The following TBC1D1 variants were observed in gnomAD, a reference collection of about 807,000 sequenced individuals.
TBC1D1 encodes the protein TBC1 domain family member 1, also known as TBC1 (tre-2/USP6, BUB2, cdc16) domain family, member 1.
Under a neutral mutation model 125.6 loss-of-function variants are expected in TBC1D1, and 89 were observed. The observed-to-expected ratio is 0.71, with a 90% CI of 0.60 to 0.85. The LOEUF (loss-of-function observed/expected upper bound fraction) is 0.85. Ranked by LOEUF, TBC1D1 falls within the 40% of genes least tolerant of loss-of-function variation. The pLI, the probability that TBC1D1 is intolerant of heterozygous loss-of-function variation, is 0.00. For missense variants in TBC1D1, 1,377 were observed against 1,469.2 expected (o/e 0.94, Z 1.03); for synonymous variants, 565 against 564.1 (o/e 1.00, Z -0.02).
intron 11 of TBC1D1, among the ~76,000 whole-genome samples, chr4:38,051,697 A>G (rs1007509586): frequency 3.1e-4 from 47 of 152,182 alleles, no homozygotes; most frequent in Admixed American, 5.2e-4. Context: ...GGCCGTCAAT[A>G]TACTCTGTTT....
At chr4:37,953,685 TA>T (rs1206415778) in intron 2 of TBC1D1, among the ~76,000 whole-genome samples, 12 of 152,216 alleles carry the variant, frequency 7.9e-5, no homozygotes. Context: ...TGGTAAATTC[TA>T]CAGAACCTTA....
At chr4:38,091,222 A>G (rs1447218993) in intron 13 of TBC1D1, among the ~76,000 whole-genome samples, 1 of 152,206 alleles carries the variant, frequency 6.6e-6, no homozygotes, top group Non-Finnish European at 1.5e-5. Flanking sequence ...AAGGAATAAG[A>G]CCTTTCGACA....
chr4:37,961,850 C>T (rs1578060957), intron 2 of TBC1D1, among the ~76,000 whole-genome samples: 1 of 152,298 alleles, frequency 6.6e-6, no homozygotes. Context: ...AGGATGCTGT[C>T]AGAACTGACC....
chr4:38,065,928 G>C (rs1432791292), intron 12 of TBC1D1, among the ~76,000 whole-genome samples: 3 of 152,204 alleles, frequency 2.0e-5, no homozygotes, highest in Non-Finnish European at 4.4e-5. Flanking sequence ...GGGATTATAG[G>C]CGTGGGTCAC....
intron 12 of TBC1D1, among the ~76,000 whole-genome samples, chr4:38,062,988 A>G (rs1307917171): frequency 2.0e-5 from 3 of 152,150 alleles, no homozygotes; most frequent in African/African-American, 7.2e-5. Flanking sequence ...ACGATGCTAC[A>G]GCACCTGACA....
At chr4:37,965,343 G>A (rs553616522) in intron 2 of TBC1D1, among the ~76,000 whole-genome samples, 5 of 152,274 alleles carry the variant, frequency 3.3e-5, no homozygotes, top group African/African-American at 1.2e-4. Context: ...AGGTTTGCTG[G>A]TTTTAGCAGT....
chr4:38,104,903 C>T (rs1019624754), intron 15 of TBC1D1, among the ~76,000 whole-genome samples: 2 of 151,954 alleles, frequency 1.3e-5, no homozygotes, highest in Non-Finnish European at 2.9e-5. Flanking sequence ...CTACAGGTGC[C>T]CGCCACCATG....
chr4:38,062,484 TC>T (rs1326941342), intron 12 of TBC1D1, among the ~76,000 whole-genome samples: 2 of 152,306 alleles, frequency 1.3e-5, no homozygotes, highest in East Asian at 3.9e-4. Flanking sequence ...TAATTTACTT[TC>T]TGTATAACTT....
At chr4:37,961,091 T>C (rs1188369641) in intron 2 of TBC1D1, 1 of 1,550,860 alleles carries the variant, frequency 6.4e-7, no homozygotes, top group Non-Finnish European at 8.9e-7. Flanking sequence ...TAATAAAGCA[T>C]TATTTGTTTA....
chr4:38,013,004 A>G (rs751813091), intron 2 of TBC1D1, among the ~76,000 whole-genome samples: 157 of 152,122 alleles, frequency 1.0e-3, no homozygotes, highest in Non-Finnish European at 1.9e-3. Flanking sequence ...TATGTTGGCC[A>G]GGCTGGTCTC....
intron 15 of TBC1D1, among the ~76,000 whole-genome samples, chr4:38,112,995 G>A (rs1762442286): frequency 6.6e-6 from 1 of 152,182 alleles, no homozygotes; most frequent in African/African-American, 2.4e-5. Flanking sequence ...AAGGTCATTG[G>A]TTTGGCAAAA....
intron 3 of TBC1D1, among the ~76,000 whole-genome samples, chr4:38,017,508 C>T (rs893294549): frequency 6.6e-6 from 1 of 152,212 alleles, no homozygotes; most frequent in Admixed American, 6.5e-5. Flanking sequence ...ACAGAATGCA[C>T]GTTTCTTGGG....
chr4:38,118,246 A>G, intron 17 of TBC1D1, 54 bp downstream of exon 19: 1 of 1,587,868 alleles, frequency 6.3e-7, no homozygotes, highest in Admixed American at 1.7e-5. Flanking sequence ...TTAGAGGGGA[A>G]ACATTTCCTG....
At chr4:38,007,098 G>T in intron 2 of TBC1D1, 1 of 273,000 alleles carries the variant, frequency 3.7e-6, no homozygotes, top group Non-Finnish European at 7.7e-6. Flanking sequence ...TTCTGAAAGA[G>T]AAGACATTTC....
chr4:38,088,326 C>T (rs1357006576), intron 12 of TBC1D1, among the ~76,000 whole-genome samples: 2 of 152,068 alleles, frequency 1.3e-5, no homozygotes, highest in African/African-American at 2.4e-5. Context: ...TTTTTTCCAT[C>T]TTTCATTTTA....
At chr4:37,996,839 A>G (rs1737910858) in intron 2 of TBC1D1, among the ~76,000 whole-genome samples, 1 of 152,218 alleles carries the variant, frequency 6.6e-6, no homozygotes, top group Non-Finnish European at 1.5e-5. Context: ...TGCGGGCTGC[A>G]CAAAGGCACC....
chr4:38,041,750 T>C (rs1748422662), intron 8 of TBC1D1, among the ~76,000 whole-genome samples: 2 of 152,260 alleles, frequency 1.3e-5, no homozygotes, highest in South Asian at 4.1e-4. Flanking sequence ...ACATATCTTT[T>C]ATGGACACAT....
intron 2 of TBC1D1, among the ~76,000 whole-genome samples, chr4:37,929,843 G>T (rs1722906502): frequency 6.6e-6 from 1 of 152,128 alleles, no homozygotes; most frequent in Non-Finnish European, 1.5e-5. Flanking sequence ...TTGGTCAGGG[G>T]ATGCTAAAGC....
intron 2 of TBC1D1, among the ~76,000 whole-genome samples, chr4:37,992,500 T>G (rs1578184204): frequency 6.6e-6 from 1 of 150,416 alleles, no homozygotes; most frequent in South Asian, 2.1e-4. Context: ...GGTGTTTTTT[T>G]TTTTTTTTTT....
Sources: allele counts gnomAD v4.1 joint callset (sites outside exome capture counted in the v4.1 genomes callset), GRCh38; gene constraint gnomAD v4.1.1; transcripts MANE v1.5; gene names NCBI Gene and HGNC (gene_info 2026-07-23, HGNC 2026-07-21).